The following MTREX variants were observed in gnomAD, a reference collection of about 807,000 sequenced individuals.
MTREX encodes the protein Mtr4 exosome RNA helicase.
MTREX carries 76 observed loss-of-function variants against 135.4 expected under a neutral mutation model. The ratio of observed to expected loss-of-function variants is 0.56; its 90% CI spans 0.47 to 0.68. The LOEUF is 0.68. MTREX is among the 30% of genes least tolerant of loss of function. The pLI is 0.00. For missense variants in MTREX, 920 were observed against 1,262.1 expected, an observed-to-expected ratio of 0.73 and a Z score of 4.11; for synonymous variants, 404 against 401.6, an observed-to-expected ratio of 1.01 and a Z score of -0.07.
chr5:55,317,499 T>C (rs1749218250), intron 1 of MTREX, among the ~76,000 whole-genome samples: 1 of 152,152 alleles, frequency 6.6e-6, no homozygotes, highest in Non-Finnish European at 1.5e-5. Flanking sequence ...ATCTGATCTT[T>C]GACAAAACTA....
chr5:55,387,685 G>A (rs554793915), intron 18 of MTREX, among the ~76,000 whole-genome samples: 6 of 152,062 alleles, frequency 3.9e-5, no homozygotes, highest in African/African-American at 9.6e-5. Flanking sequence ...TTCTGACACT[G>A]AAAATTTTAG....
chr5:55,362,976 A>G (rs555274691), intron 15 of MTREX, among the ~76,000 whole-genome samples: 31 of 152,292 alleles, frequency 2.0e-4, no homozygotes, highest in African/African-American at 6.5e-4. Flanking sequence ...TAATTTCTGA[A>G]ATTACTAAAT....
At position 55,410,528 on chromosome 5, in the gene MTREX, G is replaced by C. The variant is rs1217642299; in HGVS notation, c.2650G>C (p.Asp884His). The C allele has an allele frequency of 6.2e-7, 1 of 1,601,682 alleles. No homozygotes were observed. The highest frequency in any genetic ancestry group is 8.5e-7 in the Non-Finnish European group (1 of 1,171,870). ...TCTTTTGTTTTGCCATTGTAGTGCT[G>C]ATGAGCTCCTTCTAACTGAGATGAT... ...GRVACEISSA[D>H]ELLLTEMMFN... The change falls in exon 23 of 27, where the codon GAT (aspartate) becomes CAT (histidine). Residue 884 changes from aspartate to histidine, a missense_variant. This residue lies in a region of MTREX where 467 missense variants were observed against 589.7 expected (regional missense o/e 0.79). Coordinates refer to ENST00000230640, the MANE Select transcript of MTREX (RefSeq NM_015360.5).
At chr5:55,316,176 G>C (rs756068266) in intron 1 of MTREX, among the ~76,000 whole-genome samples, 1 of 152,094 alleles carries the variant, frequency 6.6e-6, no homozygotes, top group Non-Finnish European at 1.5e-5. Flanking sequence ...CCCAGGACCT[G>C]ATGGATTCAC....
intron 5 of MTREX, among the ~76,000 whole-genome samples, chr5:55,339,359 AT>A (rs1478835226): frequency 1.3e-5 from 2 of 152,158 alleles, no homozygotes; most frequent in African/African-American, 2.4e-5. Context: ...GCTGGGATGA[AT>A]GTTATTTTTA....
chr5:55,353,809 A>G (rs184887134), intron 14 of MTREX, among the ~76,000 whole-genome samples: 3 of 152,318 alleles, frequency 2.0e-5, no homozygotes, highest in African/African-American at 7.2e-5. Context: ...TAAGTGAAGG[A>G]GTTTGATGAT....
chr5:55,369,646 A>C (rs527874872), intron 16 of MTREX, among the ~76,000 whole-genome samples: 1 of 152,332 alleles, frequency 6.6e-6, no homozygotes, highest in South Asian at 2.1e-4. Flanking sequence ...CAATGAACTT[A>C]AACATTCCAC....
At position 55,362,004 on chromosome 5, in the gene MTREX, C is replaced by T. The variant is rs544242518; in HGVS notation, c.1659+3306C>T. ...CAGTCTCGGCTCACTGCAACCTTGA[C>T]CTCCAGGGCTCAAGCGACCCTCCCA... is the stretch of plus-strand genomic sequence containing the variant. On this transcript the variant is annotated intron_variant, in intron 15 of 26. Coordinates refer to ENST00000230640, the MANE Select transcript of MTREX (RefSeq NM_015360.5). Among the ~76,000 whole-genome samples the T allele has an allele frequency of 9.9e-5, 15 of 151,818 alleles. No homozygotes were observed. In the East Asian group the frequency reaches 2.9e-3, roughly 30 times the overall value.
Position 55,327,700 on chromosome 5 carries a change from T to C in MTREX, c.340-16T>C. The C allele has an allele frequency of 6.2e-7, 1 of 1,605,744 alleles. No individual in the cohort carries two copies. Among genetic ancestry groups the C allele is most frequent in the Non-Finnish European group, 8.5e-7 (1 of 1,175,122 alleles). On this transcript the variant is annotated splice_polypyrimidine_tract_variant and intron_variant, in intron 3 of 26. Coordinates refer to ENST00000230640, the MANE Select transcript of MTREX (RefSeq NM_015360.5). ...TAGTTGGTGAGGTTTTTTTTTCTTT[T>C]TTACTTTGTTGTCAGGTTGCACTTC...
chr5:55,366,605 A>G, intron 15 of MTREX, 120 bp from the exon 16 acceptor site: 1 of 690,218 alleles, frequency 1.4e-6, no homozygotes, highest in Admixed American at 3.8e-5. Flanking sequence ...AAAGGGTAGA[A>G]CTAATACATT....
rs1751139956 is a variant in MTREX at position 55,425,156 on chromosome 5, C to G, written c.*384C>G. 1 of 1,580,648 alleles carries G rather than the reference C, an allele frequency of 6.3e-7. No homozygotes were observed. Among genetic ancestry groups the G allele is most frequent in the East Asian group, 2.2e-5 (1 of 44,670 alleles). ...ATGCATCCTCTTGCCTTGTGGCAAT[C>G]ATTTTCCTTTAGAAAACAGGCCAGC... On this transcript the variant is annotated 3_prime_UTR_variant, in exon 27 of 27. Coordinates refer to ENST00000230640, the MANE Select transcript of MTREX (RefSeq NM_015360.5).
chr5:55,344,600 C>T lies in MTREX; in HGVS notation c.985C>T (p.His329Tyr), dbSNP rs1457194659. The change falls in exon 9 of 27, where the codon CAT becomes TAT. Residue 329 changes from histidine (H) to tyrosine (Y), a missense_variant. This residue lies in a region of MTREX where 88 missense variants were observed against 202.5 expected (regional missense o/e 0.43). Transcript: ENST00000230640. ...TTTTCCAGCAGGGGGAGATGGCCTG[C>T]ATCTTGTGGTTGATGAAAATGTAAG... Reference protein sequence around the residue: ...YIFPAGGDGLHLVVDENGDFR... With the variant: ...YIFPAGGDGLYLVVDENGDFR... The T allele has an allele frequency of 6.2e-7, 1 of 1,604,014 alleles. No homozygotes were observed. The highest frequency in any genetic ancestry group is 1.1e-5 in the South Asian group (1 of 90,384).
chr5:55,351,244 T>C (rs1749823351), intron 13 of MTREX, among the ~76,000 whole-genome samples: 1 of 152,182 alleles, frequency 6.6e-6, no homozygotes, highest in South Asian at 2.1e-4. Flanking sequence ...TTCAAGAATG[T>C]AGTGGTGGCA....
Position 55,369,686 on chromosome 5 carries a change from T to C in MTREX, c.1810+2811T>C, listed in dbSNP as rs552633614. Among the ~76,000 whole-genome samples, 156 of 152,120 alleles carry C rather than the reference T, an allele frequency of 1.0e-3. 1 individual carries two copies. Among genetic ancestry groups the C allele is most frequent in the Non-Finnish European group, 8.5e-4 (58 of 68,028 alleles). ...TCTCTGATAAATTAAAAAGAAAACC[T>C]TTTACCTGAGGAATGGGAGCCCCTT... On this transcript the variant is annotated intron_variant, in intron 16 of 26. Transcript: ENST00000230640.
intron 24 of MTREX, among the ~76,000 whole-genome samples, chr5:55,414,902 G>A (rs1436679555): frequency 6.6e-6 from 1 of 151,970 alleles, no homozygotes; most frequent in South Asian, 2.1e-4. Flanking sequence ...CTCCCACCTC[G>A]GCCTCCCAAA....
At chr5:55,332,756 C>G (rs1749498016) in intron 5 of MTREX, among the ~76,000 whole-genome samples, 3 of 152,160 alleles carry the variant, frequency 2.0e-5, no homozygotes, top group African/African-American at 4.8e-5. Flanking sequence ...CTTAAAGGCC[C>G]TACTTCCAAA....
intron 13 of MTREX, 32 bp from the exon 14 acceptor site, chr5:55,353,136 A>G (rs1186448785): frequency 7.1e-7 from 1 of 1,416,268 alleles, no homozygotes; most frequent in Non-Finnish European, 9.6e-7. Context: ...CTTAAAATAC[A>G]TGTTTAATTA....
At chr5:55,406,958 C>T (rs1223743076) in intron 22 of MTREX, among the ~76,000 whole-genome samples, 1 of 152,188 alleles carries the variant, frequency 6.6e-6, no homozygotes, top group Admixed American at 6.5e-5. Flanking sequence ...TGCCTCTGTC[C>T]TCCTTAACTG....
At chr5:55,363,668 G>T (rs1315709260) in intron 15 of MTREX, among the ~76,000 whole-genome samples, 1 of 152,088 alleles carries the variant, frequency 6.6e-6, no homozygotes, top group Non-Finnish European at 1.5e-5. Context: ...GGATGTATTG[G>T]ATTGATAGGT....
Sources: gnomAD v4.1 joint callset for allele counts (sites outside exome capture counted in the v4.1 genomes callset) on GRCh38, gnomAD v4.1.1 for gene constraint, gnomAD v4.1.1 regional missense constraint, MANE v1.5 for transcripts, NCBI Gene and HGNC (gene_info 2026-07-23, HGNC 2026-07-21) for gene names.